Variants in DHX30 observed in about 807,000 individuals in gnomAD.
The protein encoded by DHX30 is ATP-dependent RNA helicase DHX30.
DHX30 carries 4 observed loss-of-function variants against 116.9 expected under a neutral mutation model. That is an observed-to-expected ratio of 0.03 (90% CI 0.02 to 0.08). The LOEUF is 0.08. Ranked by LOEUF, DHX30 falls within the 10% of genes least tolerant of loss-of-function variation. The pLI, the probability that DHX30 is intolerant of heterozygous loss-of-function variation, is 1.00. For synonymous variants in DHX30, 697 were observed against 651.7 expected, an observed-to-expected ratio of 1.07 and a Z score of -1.06; for missense variants, 871 against 1,595.1, an observed-to-expected ratio of 0.55 and a Z score of 7.73.
In DHX30 at chr3:47,848,800, C is replaced by T; in HGVS notation, c.2752C>T (p.Arg918Trp). 1.2e-6 allele frequency: 2 copies of T among 1,612,326 alleles called. No homozygotes were observed. The highest frequency in any genetic ancestry group is 8.5e-7 in the Non-Finnish European group (1 of 1,178,492). Residue 918 changes from arginine (R) to tryptophan (W), a missense_variant, in exon 17 of 22, where the codon CGG becomes TGG. Physicochemically the swap from Arg to Trp is moderately radical, Grantham distance 101. Transcript: ENST00000445061. This position sits in a 1 kb window ranked among gnomAD's most constrained non-coding sequence, Gnocchi z 9.4. Reference protein sequence around the residue: ...RDPFSSSLQNRAEVDKVKALL... With the variant: ...RDPFSSSLQNWAEVDKVKALL... ...CCCCTTCAGCAGCAGCCTACAGAAC[C>T]GGGCAGAGGTGGACAAGGTCAGTCC...
At chr3:47,833,336 G>T (rs1425110289) in intron 6 of DHX30, among the ~76,000 whole-genome samples, 1 of 151,614 alleles carries the variant, frequency 6.6e-6, no homozygotes, top group Non-Finnish European at 1.5e-5. Context: ...ACAAGCCTGG[G>T]CAACAGGGCG....
intron 6 of DHX30, 151 bp from the exon 7 acceptor site, chr3:47,840,726 C>A: frequency 1.2e-6 from 1 of 850,062 alleles, no homozygotes; most frequent in Non-Finnish European, 1.8e-6. Context: ...TTGAGAGTTC[C>A]ATGCCCAGTT....
In DHX30 at chr3:47,841,701, G is replaced by A; in HGVS notation, c.753G>A (p.Lys251=). 3 of 1,614,242 alleles carry A rather than the reference G, an allele frequency of 1.9e-6. No individual in the cohort carries two copies. Among genetic ancestry groups the A allele is most frequent in the Non-Finnish European group, 2.5e-6 (3 of 1,180,042 alleles). ...CACTTCCCAAGAACCTTCTGGCCAA[G>A]GTGATTCAGATTGCAACGTCATCCT... ...QFPLPKNLLA[K]VIQIATSSST... is the part of the protein sequence containing the mutation. The change falls in exon 8 of 22, where the codon AAG becomes AAA. Residue 251 remains lysine (K), a synonymous_variant. Coordinates refer to ENST00000445061, the MANE Select transcript of DHX30 (RefSeq NM_138615.3).
At position 47,827,404 on chromosome 3, in the gene DHX30, T is replaced by C; in HGVS notation, c.182T>C (p.Ile61Thr). 1 of 1,614,120 alleles carries C rather than the reference T, an allele frequency of 6.2e-7. No individual in the cohort carries two copies. The highest frequency in any genetic ancestry group is 8.5e-7 in the Non-Finnish European group (1 of 1,179,982). The stretch of plus-strand genomic sequence containing the variant: ...CCCAAAAATCTTCTCAACAGTGTGA[T>C]TGGAAGAGCCCTCGGCATCTCACAT... ...PQPKNLLNSV[I>T]GRALGISHAK... Residue 61 changes from isoleucine to threonine, a missense_variant, in exon 5 of 22, where the codon ATT (isoleucine) becomes ACT (threonine). Coordinates refer to ENST00000445061, the MANE Select transcript of DHX30 (RefSeq NM_138615.3).
At chr3:47,821,002 G>A (rs1559695220) in intron 4 of DHX30, among the ~76,000 whole-genome samples, 2 of 151,288 alleles carry the variant, frequency 1.3e-5, no homozygotes, top group Admixed American at 1.3e-4. Context: ...CACCCAGGCT[G>A]GAATGTGGTG....
At position 47,844,349 on chromosome 3, in the gene DHX30, G is replaced by A. The variant is rs2037505896; in HGVS notation, c.939+1094G>A. 2.6e-5 allele frequency among the ~76,000 whole-genome samples: 4 copies of A among 152,242 alleles called. No individual in the cohort carries two copies. In the South Asian group the frequency reaches 8.3e-4, roughly 32 times the overall value. On this transcript the variant is annotated intron_variant, in intron 9 of 21. Coordinates refer to ENST00000445061, the MANE Select transcript of DHX30 (RefSeq NM_138615.3). ...GCAGAACAAGGACTGAGTAGAACTG[G>A]AGGCATCTGAGCTTTGGCCTGATGC...
chr3:47,825,989 G>A (rs2036536410), intron 4 of DHX30: 1 of 152,238 alleles, frequency 6.6e-6, no homozygotes, highest in Non-Finnish European at 1.5e-5. Flanking sequence ...TCTGTCCCAA[G>A]GAAACAGTCT....
Position 47,840,939 on chromosome 3 carries a change from T to C in DHX30, c.429T>C (p.Ala143=). 2.5e-6 allele frequency: 4 copies of C among 1,614,254 alleles called. No individual in the cohort carries two copies. Among genetic ancestry groups the C allele is most frequent in the Non-Finnish European group, 3.4e-6 (4 of 1,180,048 alleles). ...ACGCAGCCAAATACCGAGTGCTAGCTGATCGCTTTGGCTCCCCTGCCGACA... is the reference window on the plus strand; with the variant it reads ...ACGCAGCCAAATACCGAGTGCTAGCCGATCGCTTTGGCTCCCCTGCCGACA... ...LFDAAKYRVL[A]DRFGSPADSW... Residue 143 remains alanine (A), a synonymous_variant, in exon 7 of 22, where the codon GCT becomes GCC. Coordinates refer to ENST00000445061, the MANE Select transcript of DHX30 (RefSeq NM_138615.3).
chr3:47,827,608 C>A, intron 5 of DHX30, 131 bp downstream of exon 5: 1 of 1,267,946 alleles, frequency 7.9e-7, no homozygotes, highest in South Asian at 1.5e-5. Context: ...TCAGCAGAGA[C>A]TCAGAGCAAA....
chr3:47,849,837 A>C (rs2038029188), intron 21 of DHX30, 30 bp from the exon 22 acceptor site: 2 of 1,609,910 alleles, frequency 1.2e-6, no homozygotes, highest in Non-Finnish European at 1.7e-6. Context: ...GCCTCACCAC[A>C]GTTCCCCACC....
At chr3:47,810,811 A>G in intron 3 of DHX30, 100 bp downstream of exon 3, 1 of 1,277,790 alleles carries the variant, frequency 7.8e-7, no homozygotes, top group Non-Finnish European at 1.1e-6. Flanking sequence ...GTTCTTGCAC[A>G]TTTCTTTGGG....
intron 9 of DHX30, among the ~76,000 whole-genome samples, chr3:47,843,933 CTCAA>C (rs2037490611): frequency 6.6e-6 from 1 of 152,222 alleles, no homozygotes; most frequent in Non-Finnish European, 1.5e-5. Flanking sequence ...AAATCTTGGG[CTCAA>C]TCAGTCTTTC....
chr3:47,845,877 A>G (rs947366878), intron 10 of DHX30, 25 bp downstream of exon 10: 1 of 1,578,372 alleles, frequency 6.3e-7, no homozygotes, highest in African/African-American at 1.4e-5. Context: ...ATCCCTCACC[A>G]CCCCTGCTCC....
chr3:47,816,876 T>C (rs2036082474), intron 3 of DHX30: 42 of 984,592 alleles, frequency 4.3e-5, no homozygotes, highest in Non-Finnish European at 5.1e-5. Flanking sequence ...CCTTTGTATC[T>C]ACCACCTTGA....
At chr3:47,816,030 C>A in intron 3 of DHX30, 2 of 984,812 alleles carry the variant, frequency 2.0e-6, no homozygotes, top group Non-Finnish European at 2.4e-6. Flanking sequence ...CATTTCCAAC[C>A]TTAGCTTCAA....
In DHX30 at chr3:47,849,087, G is replaced by C; in HGVS notation, c.2929+8G>C. 6.2e-7 allele frequency: 1 copy of C among 1,609,634 alleles called. No individual in the cohort carries two copies. The highest frequency in any genetic ancestry group is 1.1e-5 in the South Asian group (1 of 90,770). Reference sequence around the variant, plus strand: ...GCCTGCGCTTCATCCACGGTCAGTCGGGCCCACACCTGCTCTCCTGAGCCC... The same window carrying C: ...GCCTGCGCTTCATCCACGGTCAGTCCGGCCCACACCTGCTCTCCTGAGCCC... On this transcript the variant is annotated splice_region_variant and intron_variant, in intron 18 of 21. Transcript: ENST00000445061.
rs774572837 is a variant in DHX30, at chr3:47,849,996, G to A, written c.3461G>A (p.Arg1154His). The change falls in exon 22 of 22, where the codon CGC becomes CAC. Residue 1154 changes from arginine to histidine, a missense_variant. Coordinates refer to ENST00000445061, the MANE Select transcript of DHX30 (RefSeq NM_138615.3). The stretch of plus-strand genomic sequence containing the variant: ...GGCCGCATGGTGGAGCGGAGCCTGC[G>A]CAGCGAGCTGGCTGCACTTCCCCCC... The part of the protein sequence containing the change: ...ALGRMVERSL[R>H]SELAALPPSV... The A allele has an allele frequency of 1.1e-5, 18 of 1,611,780 alleles. No individual in the cohort carries two copies. The highest frequency in any genetic ancestry group is 1.4e-5 in the Non-Finnish European group (17 of 1,179,560).
At chr3:47,833,908 C>CTGG (rs1290611670) in intron 6 of DHX30, among the ~76,000 whole-genome samples, 1 of 151,980 alleles carries the variant, frequency 6.6e-6, no homozygotes, top group Non-Finnish European at 1.5e-5. Flanking sequence ...GTTTATAATA[C>CTGG]AGTATTATTA....
At chr3:47,831,930 CTT>C (rs147733795) in intron 6 of DHX30, among the ~76,000 whole-genome samples, 2 of 127,476 alleles carry the variant, frequency 1.6e-5, no homozygotes, top group Non-Finnish European at 1.6e-5. Flanking sequence ...TTTCCTTTTT[CTT>C]TTTTTTTTTT....
Sources: allele counts gnomAD v4.1 joint callset (sites outside exome capture counted in the v4.1 genomes callset), GRCh38; gene constraint gnomAD v4.1.1; non-coding constraint Gnocchi (gnomAD v3.1); transcripts MANE v1.5; gene names NCBI Gene and HGNC (gene_info 2026-07-23, HGNC 2026-07-21).